Variants in CCNA1 observed in about 807,000 individuals in gnomAD.
The protein encoded by CCNA1 is cyclin A1.
In CCNA1, 23 loss-of-function variants were observed where a neutral mutation model predicts 54.1. That is an observed-to-expected ratio of 0.42 (90% CI 0.31 to 0.60). The LOEUF (loss-of-function observed/expected upper bound fraction) is 0.60, where lower values mean the gene tolerates loss of function less well. CCNA1 is among the 20% of genes least tolerant of loss of function. The pLI is 0.14. For synonymous variants in CCNA1, 208 were observed against 213.9 expected (o/e 0.97, Z 0.24); for missense variants, 450 against 556.7 (o/e 0.81, Z 1.93).
At chr13:36,435,000 C>G (rs1288410804) in intron 2 of CCNA1, among the ~76,000 whole-genome samples, 1 of 152,112 alleles carries the variant, frequency 6.6e-6, no homozygotes. Flanking sequence ...ACTAAACGCT[C>G]CCTCTGAGTA....
chr13:36,440,208 G>A, intron 6 of CCNA1, 25 bp downstream of exon 6: 1 of 1,589,968 alleles, frequency 6.3e-7, no homozygotes, highest in African/African-American at 1.3e-5. Context: ...TGATTTCTAG[G>A]AACTTCCAGT....
intron 2 of CCNA1, 149 bp downstream of exon 2, chr13:36,433,370 T>TTTTC (rs201986317): frequency 0.015 from 4,721 of 316,764 alleles, 141 homozygotes; most frequent in East Asian, 0.022. Context: ...GATTGATTTA[T>TTTTC]TTTCTTTCTT....
At chr13:36,439,626 C>T (rs981421135) in intron 5 of CCNA1, among the ~76,000 whole-genome samples, 2 of 152,036 alleles carry the variant, frequency 1.3e-5, no homozygotes, top group African/African-American at 4.8e-5. Flanking sequence ...GATCTTAACA[C>T]TTTTTTCTAT....
At chr13:36,440,543 G>A (rs1011989205) in intron 6 of CCNA1, among the ~76,000 whole-genome samples, 3 of 152,170 alleles carry the variant, frequency 2.0e-5, no homozygotes, top group African/African-American at 7.2e-5. Context: ...AATATATTAA[G>A]TAATGAGCAT....
chr13:36,432,864 G>A, intron 1 of CCNA1, 135 bp downstream of exon 1: 1 of 949,034 alleles, frequency 1.1e-6, no homozygotes, highest in Non-Finnish European at 1.6e-6. Context: ...AACTTTGATC[G>A]CCTGTGCGGT....
In CCNA1 at chr13:36,438,778, T is replaced by C. The variant is rs144283302; in HGVS notation, c.804T>C (p.Ala268=). 1.1e-5 allele frequency: 17 copies of C among 1,614,016 alleles called. No homozygotes were observed. The highest frequency in any genetic ancestry group is 1.7e-5 in the Admixed American group (1 of 60,006). Residue 268 remains alanine, a synonymous_variant, in exon 5 of 9, where the codon GCT becomes GCC. Transcript: ENST00000255465. ...TTCGAGCAGAGACCCTGTATCTGGC[T>C]GTCAACTTCCTGGACAGGTTCCTTT...
rs1034837171 is a variant in CCNA1 at position 36,437,969 on chromosome 13, G to A, written c.544+94G>A. On this transcript the variant is annotated intron_variant, in intron 3 of 8. Coordinates refer to ENST00000255465, the MANE Select transcript of CCNA1 (RefSeq NM_003914.4). ...GCTAGTAACTAGCAAGAGAAAAACA[G>A]CAAGTAATAACTGTATTCACAACTG... 4 of 1,567,604 alleles carry A rather than the reference G, an allele frequency of 2.6e-6. No individual in the cohort carries two copies. The African/African-American group carries it at 5.4e-5, about 21-fold the overall frequency.
chr13:36,432,487 C>T, upstream of CCNA1: 1 of 483,710 alleles, frequency 2.1e-6, no homozygotes, highest in Non-Finnish European at 3.7e-6. Flanking sequence ...TCCTCCAGTG[C>T]ACTTGCCAGT....
Position 36,434,827 on chromosome 13 carries a change from C to CG in CCNA1, c.297+1606_297+1607insG, listed in dbSNP as rs200507295. Among the ~76,000 whole-genome samples, 3 of 84,578 alleles carry CG rather than the reference C, an allele frequency of 3.5e-5. No individual in the cohort carries two copies. The East Asian group carries it at 8.3e-4, about 23-fold the overall frequency. The allele number at this position is 84,578 out of a possible 152,430, so 55.5% of individuals were successfully genotyped here. On this transcript the variant is annotated intron_variant, in intron 2 of 8. Coordinates refer to ENST00000255465, the MANE Select transcript of CCNA1 (RefSeq NM_003914.4). ...TATGTCCCTGCTGTCATGAGAGGTG[C>CG]CCCCCCCCCCGCGCCATGCGTACAA...
intron 6 of CCNA1, among the ~76,000 whole-genome samples, chr13:36,440,905 A>G (rs906308799): frequency 6.6e-6 from 1 of 152,256 alleles, no homozygotes. Context: ...TAGGCCAAAT[A>G]CTTTTGTATT....
chr13:36,441,747 A>G (rs1238760990), intron 7 of CCNA1, among the ~76,000 whole-genome samples: 1 of 152,124 alleles, frequency 6.6e-6, no homozygotes, highest in Admixed American at 6.5e-5. Flanking sequence ...CCTTATTTTC[A>G]TGAATGCTTA....
chr13:36,436,566 A>T (rs2055808069), intron 2 of CCNA1, among the ~76,000 whole-genome samples: 1 of 152,188 alleles, frequency 6.6e-6, no homozygotes, highest in East Asian at 1.9e-4. Context: ...GTATCTATGT[A>T]GCAAGAGTCA....
chr13:36,441,765 T>C (rs2055877646), intron 7 of CCNA1, among the ~76,000 whole-genome samples: 1 of 152,216 alleles, frequency 6.6e-6, no homozygotes, highest in South Asian at 2.1e-4. Context: ...TTATGTTTTT[T>C]TCTGCTGCAT....
chr13:36,432,561 T>A lies in CCNA1; in HGVS notation c.-61T>A. The A allele has an allele frequency of 3.8e-6, 4 of 1,062,196 alleles. No homozygotes were observed. Among genetic ancestry groups the A allele is most frequent in the Non-Finnish European group, 5.5e-6 (4 of 733,288 alleles). 65.8% of individuals were successfully genotyped at this position (1,062,196 alleles called of 1,614,324 possible). ...GGGCCCGCTTTGGGGTCCAGGCAGGTTTTGGGGCCTCCTGTCTGGTGGGAG... is the reference window on the plus strand; with the variant it reads ...GGGCCCGCTTTGGGGTCCAGGCAGGATTTGGGGCCTCCTGTCTGGTGGGAG... On this transcript the variant is annotated 5_prime_UTR_variant, in exon 1 of 9. Coordinates refer to ENST00000255465, the MANE Select transcript of CCNA1 (RefSeq NM_003914.4).
chr13:36,440,027 C>G lies in CCNA1; in HGVS notation c.942C>G (p.Ile314Met), dbSNP rs1566173333. ...CTGAAGTAGACGAGTTTGTCTATATCACCGATGATACATACACAAAACGAC... is the reference window on the plus strand; with the variant it reads ...CTGAAGTAGACGAGTTTGTCTATATGACCGATGATACATACACAAAACGAC... The change falls in exon 6 of 9, where the codon ATC becomes ATG. Residue 314 changes from isoleucine to methionine, a missense_variant. Ile to Met is a conservative substitution (Grantham distance 10). Transcript: ENST00000255465. 1 of 1,613,256 alleles carries G rather than the reference C, an allele frequency of 6.2e-7. No homozygotes were observed. Among genetic ancestry groups the G allele is most frequent in the East Asian group, 2.2e-5 (1 of 44,880 alleles).
intron 5 of CCNA1, 71 bp from the exon 6 acceptor site, chr13:36,439,908 G>A (rs772058986): frequency 4.1e-6 from 4 of 981,874 alleles, no homozygotes; most frequent in African/African-American, 1.6e-5. Context: ...GCGGAGAGGC[G>A]TGGCTTATGG....
chr13:36,438,559 T>G (rs1048851741), intron 4 of CCNA1, 85 bp from the exon 5 acceptor site: 4 of 918,712 alleles, frequency 4.4e-6, no homozygotes, highest in African/African-American at 1.7e-5. Flanking sequence ...AACCTTTGCT[T>G]GTGAGATTTT....
upstream of CCNA1, chr13:36,432,164 C>T (rs908951480): frequency 6.3e-6 from 1 of 158,240 alleles, no homozygotes; most frequent in African/African-American, 2.4e-5. Flanking sequence ...CGGAGCGAGT[C>T]AGGTGAGCAG....
At position 36,438,654 on chromosome 13, in the gene CCNA1, G is replaced by A. The variant is rs1275592806; in HGVS notation, c.680G>A (p.Arg227Lys). Residue 227 changes from arginine (R) to lysine (K), a missense_variant, in exon 5 of 9, where the codon AGA (arginine) becomes AAA (lysine). By Grantham distance (26) the Arg-to-Lys change is conservative (BLOSUM62 2). This residue lies in a region of CCNA1 where 150 missense variants were observed against 219.7 expected (regional missense o/e 0.68). Coordinates refer to ENST00000255465, the MANE Select transcript of CCNA1 (RefSeq NM_003914.4). ...CCTTTTCCCAATCAGATAAGGCACA[G>A]ACCCAAAGCACACTACATGAAGAAG... 6.2e-7 allele frequency: 1 copy of A among 1,613,436 alleles called. No individual in the cohort carries two copies.
Sources: gnomAD v4.1 joint callset for allele counts (sites outside exome capture counted in the v4.1 genomes callset) on GRCh38, gnomAD v4.1.1 for gene constraint, gnomAD v4.1.1 regional missense constraint, MANE v1.5 for transcripts, NCBI Gene and HGNC (gene_info 2026-07-23, HGNC 2026-07-21) for gene names.